MAP3K20: variants seen among roughly 807,000 people sequenced by gnomAD.
The protein encoded by MAP3K20 is HCCS-4.
MAP3K20 carries 40 observed loss-of-function variants against 85.7 expected under a neutral mutation model. The observed-to-expected ratio is 0.47, with a 90% CI of 0.36 to 0.61. The LOEUF (loss-of-function observed/expected upper bound fraction) is 0.61, where lower values mean the gene tolerates loss of function less well. Among genes scored for constraint, MAP3K20 ranks in the 20% least tolerant of loss-of-function variants. The probability of loss-of-function intolerance (pLI) is 0.00; values close to 1 mark genes in which losing one functional copy is unlikely to be tolerated. For synonymous variants in MAP3K20, 325 were observed against 327.7 expected (o/e 0.99, Z 0.09); for missense variants, 817 against 961.7 (o/e 0.85, Z 1.99).
At chr2:173,244,304 T>C (rs1684866869) in intron 16 of MAP3K20, among the ~76,000 whole-genome samples, 1 of 152,212 alleles carries the variant, frequency 6.6e-6, no homozygotes, top group Admixed American at 6.5e-5. Context: ...AAAGCTTTTT[T>C]GGAACCATGA....
chr2:173,178,339 C>T (rs758450147), intron 3 of MAP3K20, among the ~76,000 whole-genome samples: 1 of 152,062 alleles, frequency 6.6e-6, no homozygotes, highest in South Asian at 2.1e-4. Context: ...TCTGAATAGA[C>T]CTATAATTTA....
At chr2:173,077,543 C>A (rs75853505) in intron 1 of MAP3K20, among the ~76,000 whole-genome samples, 3,051 of 152,186 alleles carry the variant, frequency 0.02, 55 homozygotes, top group Admixed American at 0.041. Flanking sequence ...GAAAAATGGT[C>A]TTTTGGACCA....
At chr2:173,151,399 T>G (rs1394179570) in intron 2 of MAP3K20, among the ~76,000 whole-genome samples, 2 of 152,168 alleles carry the variant, frequency 1.3e-5, no homozygotes, top group African/African-American at 4.8e-5. Flanking sequence ...TCCCTTTTAC[T>G]TCCACATTTT....
chr2:173,209,426 T>G (rs1683803335), intron 9 of MAP3K20, among the ~76,000 whole-genome samples: 3 of 152,240 alleles, frequency 2.0e-5, no homozygotes, highest in Non-Finnish European at 4.4e-5. Flanking sequence ...TAGGAGTTCT[T>G]AAAAGAGAGA....
intron 16 of MAP3K20, among the ~76,000 whole-genome samples, chr2:173,240,219 A>C (rs139718134): frequency 6.6e-6 from 1 of 152,288 alleles, no homozygotes; most frequent in African/African-American, 2.4e-5. Context: ...ATAGCAGAAT[A>C]AAGATTTGAA....
intron 3 of MAP3K20, among the ~76,000 whole-genome samples, chr2:173,173,693 C>T (rs999002050): frequency 2.6e-5 from 4 of 152,150 alleles, no homozygotes; most frequent in African/African-American, 4.8e-5. Context: ...TTTGTTATAA[C>T]ACATTTCAGA....
At position 173,263,874 on chromosome 2, in the gene MAP3K20, C is replaced by A. The variant is rs1402104659; in HGVS notation, c.1681C>A (p.Pro561Thr). Residue 561 changes from proline to threonine, a missense_variant, in exon 19 of 20, where the codon CCT becomes ACT. Physicochemically the swap from Pro to Thr is conservative, Grantham distance 38 (BLOSUM62 -1). Coordinates refer to ENST00000375213, the MANE Select transcript of MAP3K20 (RefSeq NM_016653.3). ...ATTATTCACCAATTCAGATGGCAAC[C>A]CTGGAAGCAGGTCCGACTCAAGTAA... ...QTLFTNSDGN[P>T]GSRSDSSADC... 3 of 1,611,160 alleles carry A rather than the reference C, an allele frequency of 1.9e-6. No individual in the cohort carries two copies. Among genetic ancestry groups the A allele is most frequent in the Non-Finnish European group, 2.5e-6 (3 of 1,179,276 alleles).
chr2:173,143,432 TTATA>T (rs1689035930), intron 2 of MAP3K20, among the ~76,000 whole-genome samples: 1 of 152,200 alleles, frequency 6.6e-6, no homozygotes, highest in South Asian at 2.1e-4. Context: ...AACTGAGACA[TTATA>T]CTTAACAACT....
intron 2 of MAP3K20, among the ~76,000 whole-genome samples, chr2:173,150,093 G>T (rs1416772798): frequency 6.6e-6 from 1 of 152,158 alleles, no homozygotes; most frequent in African/African-American, 2.4e-5. Context: ...CACAAGAATT[G>T]CCCCCATCAA....
At chr2:173,226,362 C>T (rs940117428) in intron 11 of MAP3K20, 7 of 984,716 alleles carry the variant, frequency 7.1e-6, no homozygotes, top group Non-Finnish European at 8.4e-6. Context: ...AGACTTATTG[C>T]AGCCTTTTGA....
chr2:173,232,468 G>C lies in MAP3K20; in HGVS notation c.1203+9G>C. Reference sequence around the variant, plus strand: ...ATATCATTCACTTCAAGGTACCTGAGAAAGGGACAACATTCCATCAGCAAA... The same window carrying C: ...ATATCATTCACTTCAAGGTACCTGACAAAGGGACAACATTCCATCAGCAAA... On this transcript the variant is annotated intron_variant, in intron 14 of 19. Coordinates refer to ENST00000375213, the MANE Select transcript of MAP3K20 (RefSeq NM_016653.3). The C allele has an allele frequency of 6.2e-7, 1 of 1,611,194 alleles. No homozygotes were observed. Among genetic ancestry groups the C allele is most frequent in the Non-Finnish European group, 8.5e-7 (1 of 1,179,212 alleles).
At chr2:173,144,732 C>G (rs1433802641) in intron 2 of MAP3K20, among the ~76,000 whole-genome samples, 2 of 151,828 alleles carry the variant, frequency 1.3e-5, no homozygotes, top group Non-Finnish European at 2.9e-5. Context: ...GAGAGACATG[C>G]GTTTTCCATA....
intron 12 of MAP3K20, among the ~76,000 whole-genome samples, chr2:173,230,023 C>T (rs1045198277): frequency 3.9e-5 from 6 of 151,936 alleles, no homozygotes; most frequent in African/African-American, 2.4e-5. Context: ...GTAGAGATGG[C>T]GTTTCACCAT....
At chr2:173,166,109 G>A (rs1689813961) in intron 2 of MAP3K20, among the ~76,000 whole-genome samples, 1 of 152,120 alleles carries the variant, frequency 6.6e-6, no homozygotes, top group Non-Finnish European at 1.5e-5. Flanking sequence ...TCAGCCCCTG[G>A]TTACAACCTC....
chr2:173,222,859 G>C lies in MAP3K20; in HGVS notation c.987+5609G>C, dbSNP rs907457884. 3.0e-6 allele frequency: 3 copies of C among 985,160 alleles called. No homozygotes were observed. In the African/African-American group the frequency reaches 5.2e-5, roughly 17 times the overall value. The allele number at this position is 985,160 out of a possible 1,614,324, so 61.0% of individuals were successfully genotyped here. On this transcript the variant is annotated intron_variant, in intron 11 of 19. Transcript: ENST00000375213. ...ATTCTCAGAATGTTATCACCTGTTTGTCAAAGCTTGTTTAAATTATAAAAC... is the reference window on the plus strand; with the variant it reads ...ATTCTCAGAATGTTATCACCTGTTTCTCAAAGCTTGTTTAAATTATAAAAC...
At chr2:173,124,504 T>G (rs1202908993) in intron 2 of MAP3K20, among the ~76,000 whole-genome samples, 1 of 152,084 alleles carries the variant, frequency 6.6e-6, no homozygotes, top group Non-Finnish European at 1.5e-5. Context: ...GGGTGGGAGC[T>G]GGTTCACAAG....
At chr2:173,129,211 C>T (rs375977832) in intron 2 of MAP3K20, among the ~76,000 whole-genome samples, 2 of 152,166 alleles carry the variant, frequency 1.3e-5, no homozygotes, top group African/African-American at 4.8e-5. Context: ...CCACCGCGCC[C>T]AGCCAATTTT....
At chr2:173,186,414 T>A (rs997962973) in intron 4 of MAP3K20, among the ~76,000 whole-genome samples, 1 of 152,192 alleles carries the variant, frequency 6.6e-6, no homozygotes, top group East Asian at 1.9e-4. Context: ...CAGTTACATC[T>A]TATTTAAGAT....
chr2:173,138,211 C>T (rs997152709), intron 2 of MAP3K20, among the ~76,000 whole-genome samples: 25 of 152,254 alleles, frequency 1.6e-4, no homozygotes, highest in African/African-American at 4.1e-4. Flanking sequence ...CCTCGTGTTT[C>T]GCCCGCCTCG....
Sources: allele counts gnomAD v4.1 joint callset (sites outside exome capture counted in the v4.1 genomes callset), GRCh38; gene constraint gnomAD v4.1.1; transcripts MANE v1.5; gene names NCBI Gene and HGNC (gene_info 2026-07-23, HGNC 2026-07-21).